Variants in STK32B observed in about 807,000 individuals in gnomAD.
STK32B encodes serine/threonine-protein kinase 32B.
Under a neutral mutation model 52.6 loss-of-function variants are expected in STK32B, and 43 were observed. The ratio of observed to expected loss-of-function variants is 0.82; its 90% CI spans 0.64 to 1.05. The LOEUF (loss-of-function observed/expected upper bound fraction) is 1.05. Ranked by LOEUF, STK32B falls within the 50% of genes least tolerant of loss-of-function variation. The pLI, the probability that STK32B is intolerant of heterozygous loss-of-function variation, is 0.00. For missense variants in STK32B, 621 were observed against 534.6 expected, an observed-to-expected ratio of 1.16 and a Z score of -1.59; for synonymous variants, 238 against 204.3, an observed-to-expected ratio of 1.17 and a Z score of -1.41.
intron 3 of STK32B, among the ~76,000 whole-genome samples, chr4:5,208,350 T>C (rs1281176905): frequency 6.6e-6 from 1 of 152,220 alleles, no homozygotes; most frequent in East Asian, 1.9e-4. Flanking sequence ...TGATTGATCA[T>C]CAAACACTGG....
intron 3 of STK32B, among the ~76,000 whole-genome samples, chr4:5,252,643 T>A (rs1449839744): frequency 2.0e-5 from 3 of 152,224 alleles, no homozygotes; most frequent in African/African-American, 7.2e-5. Flanking sequence ...TTGTCACTTA[T>A]TCACTTTTAG....
At chr4:5,138,896 A>C (rs1161789494) in intron 1 of STK32B, among the ~76,000 whole-genome samples, 1 of 152,166 alleles carries the variant, frequency 6.6e-6, no homozygotes, top group Non-Finnish European at 1.5e-5. Flanking sequence ...TGAGCAGGGA[A>C]GGGAGGCAGG....
intron 3 of STK32B, among the ~76,000 whole-genome samples, chr4:5,286,794 CTTTT>C (rs60300816): frequency 2.6e-5 from 3 of 113,270 alleles, no homozygotes; most frequent in Non-Finnish European, 5.1e-5. Flanking sequence ...TACAGATGTA[CTTTT>C]TTTTTTTTTT....
At chr4:5,454,172 A>G (rs1716289443) in intron 7 of STK32B, among the ~76,000 whole-genome samples, 1 of 152,222 alleles carries the variant, frequency 6.6e-6, no homozygotes, top group African/African-American at 2.4e-5. Context: ...AGAGGTCACC[A>G]GTTCATCACA....
chr4:5,116,891 T>C (rs897023855), intron 1 of STK32B, among the ~76,000 whole-genome samples: 1 of 152,224 alleles, frequency 6.6e-6, no homozygotes. Context: ...AAGTATTTTA[T>C]TATTTTTGAT....
intron 3 of STK32B, among the ~76,000 whole-genome samples, chr4:5,250,701 T>C (rs1177157247): frequency 6.6e-6 from 1 of 152,240 alleles, no homozygotes; most frequent in Non-Finnish European, 1.5e-5. Context: ...AGCATTCCCT[T>C]TTCTCCTCAA....
At chr4:5,330,097 T>C (rs2108952621) in intron 3 of STK32B, among the ~76,000 whole-genome samples, 1 of 152,282 alleles carries the variant, frequency 6.6e-6, no homozygotes, top group African/African-American at 2.4e-5. Flanking sequence ...GTCCTCACAC[T>C]TACAATGACT....
At chr4:5,444,282 G>A (rs575370140) in intron 6 of STK32B, among the ~76,000 whole-genome samples, 1 of 152,230 alleles carries the variant, frequency 6.6e-6, no homozygotes, top group Non-Finnish European at 1.5e-5. Flanking sequence ...CTCCAAGTCA[G>A]GTGCGGGATA....
chr4:5,021,543 C>T, the STK32B span, among the ~76,000 whole-genome samples: 1 of 152,132 alleles, frequency 6.6e-6, no homozygotes, highest in Admixed American at 6.5e-5. Context: ...TCTGGATGTG[C>T]TCAAGGAATG....
intron 1 of STK32B, among the ~76,000 whole-genome samples, chr4:5,086,752 A>C (rs1489510904): frequency 6.6e-6 from 1 of 152,226 alleles, no homozygotes; most frequent in Non-Finnish European, 1.5e-5. Context: ...CTGATTTCCC[A>C]TCAAACTCTG....
At chr4:5,178,569 C>T (rs1204142034) in intron 3 of STK32B, among the ~76,000 whole-genome samples, 2 of 152,202 alleles carry the variant, frequency 1.3e-5, no homozygotes, top group African/African-American at 2.4e-5. Flanking sequence ...TTTTCTGTCA[C>T]GTTTTCAGTT....
intron 11 of STK32B, among the ~76,000 whole-genome samples, chr4:5,488,706 CA>C (rs1258231816): frequency 6.6e-6 from 1 of 152,138 alleles, no homozygotes; most frequent in Non-Finnish European, 1.5e-5. Flanking sequence ...GATTCTTTCT[CA>C]TTCAAAATTA....
rs781170207 is a variant in STK32B at position 5,398,179 on chromosome 4, T to C, written c.435-28T>C. ...CTCATCTGTGGGCTCAGGAACCACA[T>C]TGCCAGCTTCTTTGTTTTCTTTTAC... On this transcript the variant is annotated intron_variant, in intron 4 of 11. Coordinates refer to ENST00000282908, the MANE Select transcript of STK32B (RefSeq NM_018401.3). The surrounding 1 kb of genome is among the most constrained non-coding windows in gnomAD (Gnocchi z 4.9). 5.0e-6 allele frequency: 8 copies of C among 1,613,590 alleles called. No homozygotes were observed. Among genetic ancestry groups the C allele is most frequent in the African/African-American group, 1.3e-5 (1 of 74,896 alleles).
chr4:5,141,707 A>G (rs769048896), intron 2 of STK32B, among the ~76,000 whole-genome samples: 1 of 151,980 alleles, frequency 6.6e-6, no homozygotes, highest in Admixed American at 6.6e-5. Flanking sequence ...CAGATTTTGG[A>G]TATATTTTGA....
rs995243851 is a variant in STK32B, at chr4:5,294,971, T to A, written c.261-36249T>A. Among the ~76,000 whole-genome samples the A allele has an allele frequency of 2.0e-5, 3 of 152,134 alleles. No individual in the cohort carries two copies. In the East Asian group the frequency reaches 5.8e-4, roughly 29 times the overall value. On this transcript the variant is annotated intron_variant, in intron 3 of 11. Transcript: ENST00000282908. ...CATCAATGCCTAGTTTATCGAGTGTTTTTTAGCATGAAGTGGTGTTGAATT... is the reference window on the plus strand; with the variant it reads ...CATCAATGCCTAGTTTATCGAGTGTATTTTAGCATGAAGTGGTGTTGAATT...
intron 4 of STK32B, among the ~76,000 whole-genome samples, chr4:5,334,999 G>T (rs202114479): frequency 1.3e-5 from 2 of 152,026 alleles, no homozygotes; most frequent in Non-Finnish European, 2.9e-5. Flanking sequence ...CATAAAATGA[G>T]TTAAGGAGGA....
intron 3 of STK32B, among the ~76,000 whole-genome samples, chr4:5,233,867 C>G (rs750523869): frequency 1.2e-4 from 18 of 151,750 alleles, no homozygotes; most frequent in Admixed American, 3.9e-4. Flanking sequence ...AGTGACGTCT[C>G]CAAGAAAAAG....
chr4:5,320,261 G>A (rs1731400587), intron 3 of STK32B, among the ~76,000 whole-genome samples: 1 of 152,098 alleles, frequency 6.6e-6, no homozygotes, highest in South Asian at 2.1e-4. Flanking sequence ...ATAGGGCCTG[G>A]TACATAGTAG....
At chr4:5,104,287 T>C (rs1713981625) in intron 1 of STK32B, among the ~76,000 whole-genome samples, 1 of 152,212 alleles carries the variant, frequency 6.6e-6, no homozygotes, top group Non-Finnish European at 1.5e-5. Context: ...AACTCTCTTG[T>C]CTGCTGCCAT....
Sources: allele counts gnomAD v4.1 joint callset (sites outside exome capture counted in the v4.1 genomes callset), GRCh38; gene constraint gnomAD v4.1.1; non-coding constraint Gnocchi (gnomAD v3.1); transcripts MANE v1.5; gene names NCBI Gene and HGNC (gene_info 2026-07-23, HGNC 2026-07-21).